OTUD7B: variants seen among roughly 807,000 people sequenced by gnomAD.
OTUD7B encodes OTU deubiquitinase 7B, also known as OTU domain-containing protein 7B.
OTUD7B carries 34 observed loss-of-function variants against 82.2 expected under a neutral mutation model. The ratio of observed to expected loss-of-function variants is 0.41; its 90% CI spans 0.31 to 0.55. The LOEUF is 0.55. OTUD7B is among the 20% of genes least tolerant of loss of function. The pLI is 0.20. For synonymous variants in OTUD7B, 398 were observed against 402.7 expected, an observed-to-expected ratio of 0.99 and a Z score of 0.14; for missense variants, 944 against 1,062.1, an observed-to-expected ratio of 0.89 and a Z score of 1.55.
intron 1 of OTUD7B, among the ~76,000 whole-genome samples, chr1:150,006,616 T>C (rs587724003): frequency 1.3e-5 from 2 of 152,358 alleles, no homozygotes; most frequent in South Asian, 2.1e-4. Flanking sequence ...AATGTCTTTG[T>C]TAAGTTCTGA....
chr1:149,967,553 T>C lies in OTUD7B; in HGVS notation c.275-32A>G. The C allele has an allele frequency of 2.7e-6, 4 of 1,508,980 alleles. No homozygotes were observed. The South Asian group carries it at 5.1e-5, about 19-fold the overall frequency. The allele number at this position is 1,508,980 out of a possible 1,614,324, so 93.5% of individuals were successfully genotyped here. On this transcript the variant is annotated intron_variant, in intron 3 of 11. Transcript: ENST00000581312. ...TGAGAAATGGAGTCACCTTAGAACATACACAGCCCACTTGGAGAACTCTAC... is the reference window on the plus strand; with the variant it reads ...TGAGAAATGGAGTCACCTTAGAACACACACAGCCCACTTGGAGAACTCTAC...
rs1204845662 is a variant in OTUD7B at position 149,944,936 on chromosome 1, T to A, written c.1453A>T (p.Lys485Ter). The A allele has an allele frequency of 6.2e-7, 1 of 1,614,180 alleles. No homozygotes were observed. Among genetic ancestry groups the A allele is most frequent in the Admixed American group, 1.7e-5 (1 of 60,016 alleles). ...SSTSNEGGRR[K>*]EKSKRDREKD... is the part of the protein sequence containing the mutation. ...TCCCGATCTCGCTTTGACTTCTCCT[T>A]CCGCCGGCCGCCCTCGTTGCTGGTG... The change falls in exon 12 of 12, where the codon AAG becomes TAG. Residue 485 changes from lysine (K) to a stop codon, truncating the protein, a stop_gained. Coordinates refer to ENST00000581312, the MANE Select transcript of OTUD7B (RefSeq NM_020205.4). LOFTEE classifies it high-confidence loss of function.
the OTUD7B span, among the ~76,000 whole-genome samples, chr1:150,051,586 C>T: frequency 2.6e-5 from 4 of 152,222 alleles, no homozygotes; most frequent in African/African-American, 9.6e-5. Flanking sequence ...AGGTTTCTTT[C>T]CATCTGCTTC....
chr1:149,952,618 T>TCGC (rs1648350372), intron 7 of OTUD7B, among the ~76,000 whole-genome samples: 1 of 152,248 alleles, frequency 6.6e-6, no homozygotes, highest in Admixed American at 6.5e-5. Flanking sequence ...CCTTGAGGAA[T>TCGC]CGCCACACTG....
chr1:150,051,376 G>A, the OTUD7B span, among the ~76,000 whole-genome samples: 87 of 151,686 alleles, frequency 5.7e-4, 2 homozygotes, highest in East Asian at 0.015. Flanking sequence ...ATTATTCAAT[G>A]AAATTATTGA....
At chr1:149,986,037 C>T (rs1193609827) in intron 1 of OTUD7B, among the ~76,000 whole-genome samples, 1 of 152,158 alleles carries the variant, frequency 6.6e-6, no homozygotes, top group Admixed American at 6.5e-5. Flanking sequence ...GGTGCCCCCA[C>T]TGCACCCTGT....
chr1:150,004,017 A>G (rs1158458118), intron 1 of OTUD7B, among the ~76,000 whole-genome samples: 1 of 152,188 alleles, frequency 6.6e-6, no homozygotes, highest in Non-Finnish European at 1.5e-5. Flanking sequence ...TCAGACACCC[A>G]GGCACAACGT....
At chr1:150,061,023 C>A in the OTUD7B span, among the ~76,000 whole-genome samples, 1 of 148,678 alleles carries the variant, frequency 6.7e-6, no homozygotes, top group Non-Finnish European at 1.5e-5. Flanking sequence ...TCGCACCCGG[C>A]TGACTAAAAC....
chr1:149,964,775 G>T (rs1244160348), intron 5 of OTUD7B, among the ~76,000 whole-genome samples: 9 of 151,604 alleles, frequency 5.9e-5, no homozygotes, highest in South Asian at 2.1e-4. Context: ...TGTATTTTTA[G>T]TAGATACAGG....
Position 149,969,850 on chromosome 1 carries a change from C to T in OTUD7B, c.274+1213G>A, listed in dbSNP as rs587743710. On this transcript the variant is annotated intron_variant, in intron 3 of 11. Transcript: ENST00000581312. ...CCAAGTAGCTGGGATTACAGGTGTG[C>T]ACCACCATGCCCAGCTAATTTTTGT... 1.0e-3 allele frequency among the ~76,000 whole-genome samples: 152 copies of T among 151,822 alleles called. 2 individuals are homozygous for T. The highest frequency in any genetic ancestry group is 6.3e-4 in the Non-Finnish European group (43 of 67,910).
upstream of OTUD7B, among the ~76,000 whole-genome samples, chr1:150,014,109 A>ATAT (rs1559875242): frequency 0.038 from 3,855 of 100,692 alleles, 159 homozygotes; most frequent in Non-Finnish European, 0.054. Flanking sequence ...TATATATAGT[A>ATAT]GGGGCTCAGC....
At position 149,950,352 on chromosome 1, in the gene OTUD7B, G is replaced by C. The variant is rs1295205204; in HGVS notation, c.846-131C>G. Reference sequence around the variant, plus strand: ...CCTTTCCTGGTTTTCCAATCTTAAGGCTGCCACTGATATAGCTGATTATTT... The same window carrying C: ...CCTTTCCTGGTTTTCCAATCTTAAGCCTGCCACTGATATAGCTGATTATTT... On this transcript the variant is annotated intron_variant, in intron 7 of 11. Transcript: ENST00000581312. 5 of 848,640 alleles carry C rather than the reference G, an allele frequency of 5.9e-6. No homozygotes were observed. In the African/African-American group the frequency reaches 8.6e-5, roughly 15 times the overall value. 52.6% of individuals were successfully genotyped at this position (848,640 alleles called of 1,614,324 possible). A position where few individuals can be genotyped will look rare whatever the true frequency, so the allele number is the denominator to read the frequency against.
chr1:150,044,452 C>A, the OTUD7B span, among the ~76,000 whole-genome samples: 2 of 152,008 alleles, frequency 1.3e-5, no homozygotes. Context: ...AAGTGACCCA[C>A]CCGCCTCAAC....
the OTUD7B span, chr1:150,054,101 GT>G: frequency 2.5e-6 from 1 of 393,686 alleles, no homozygotes; most frequent in African/African-American, 2.1e-5. Context: ...GAAATCCAAG[GT>G]TGAAAAGCAA....
chr1:150,006,118 A>G (rs913976530), intron 1 of OTUD7B, among the ~76,000 whole-genome samples: 7 of 152,198 alleles, frequency 4.6e-5, no homozygotes, highest in Non-Finnish European at 7.4e-5. Flanking sequence ...ATTTATTTCA[A>G]TATTAGTATG....
At chr1:150,056,304 A>G in the OTUD7B span, among the ~76,000 whole-genome samples, 2 of 152,186 alleles carry the variant, frequency 1.3e-5, no homozygotes, top group Non-Finnish European at 2.9e-5. Flanking sequence ...ATCTTTTTTA[A>G]GGAATAAAAC....
the OTUD7B span, among the ~76,000 whole-genome samples, chr1:150,028,301 G>C: frequency 6.6e-6 from 1 of 152,136 alleles, no homozygotes; most frequent in Non-Finnish European, 1.5e-5. Flanking sequence ...AAGATCATTT[G>C]GCCTAATAAA....
At chr1:149,992,121 A>T (rs1553782226) in intron 1 of OTUD7B, among the ~76,000 whole-genome samples, 1 of 152,100 alleles carries the variant, frequency 6.6e-6, no homozygotes, top group African/African-American at 2.4e-5. Context: ...GCTACTCAGG[A>T]GGCTGAGGCA....
chr1:149,967,257 T>G lies in OTUD7B; in HGVS notation c.502+37A>C, dbSNP rs138115407. The G allele has an allele frequency of 1.4e-4, 200 of 1,442,138 alleles. 1 individual carries two copies. The East Asian group carries it at 4.5e-3, about 33-fold the overall frequency. 89.3% of individuals were successfully genotyped at this position (1,442,138 alleles called of 1,614,324 possible). A position where few individuals can be genotyped will look rare whatever the true frequency, so the allele number is the denominator to read the frequency against. On this transcript the variant is annotated intron_variant, in intron 4 of 11. Coordinates refer to ENST00000581312, the MANE Select transcript of OTUD7B (RefSeq NM_020205.4). ...CACAAGGCTGCCTGTAGGTGGAGAG[T>G]AGAGGGAAGAGTGTGGGAGAGGAAG...
Sources: gnomAD v4.1 joint callset for allele counts (sites outside exome capture counted in the v4.1 genomes callset) on GRCh38, gnomAD v4.1.1 for gene constraint, MANE v1.5 for transcripts, NCBI Gene and HGNC (gene_info 2026-07-23, HGNC 2026-07-21) for gene names.